Variants in NCAPH2 observed in about 807,000 individuals in gnomAD.
The protein encoded by NCAPH2 is non-SMC condensin II complex subunit H2.
NCAPH2 carries 56 observed loss-of-function variants against 88.6 expected under a neutral mutation model. The ratio of observed to expected loss-of-function variants is 0.63; its 90% CI spans 0.51 to 0.79. The LOEUF is 0.79. NCAPH2 is among the 30% of genes least tolerant of loss of function. The pLI is 0.00. For missense variants in NCAPH2, 794 were observed against 792.0 expected (o/e 1.00, Z -0.03); for synonymous variants, 378 against 313.6 (o/e 1.21, Z -2.17).
At chr22:50,511,987 C>T (rs552472233) in intron 1 of NCAPH2, among the ~76,000 whole-genome samples, 1 of 152,262 alleles carries the variant, frequency 6.6e-6, no homozygotes, top group South Asian at 2.1e-4. Flanking sequence ...GGGGTTTCAC[C>T]ATGTTGGCCA....
chr22:50,517,367 G>A, intron 2 of NCAPH2, 60 bp from the exon 3 acceptor site: 1 of 1,571,904 alleles, frequency 6.4e-7, no homozygotes, highest in Non-Finnish European at 8.8e-7. Context: ...GGATAGCTGG[G>A]AAGGCCTTGG....
At chr22:50,511,425 G>A (rs2068779636) in intron 1 of NCAPH2, among the ~76,000 whole-genome samples, 1 of 143,888 alleles carries the variant, frequency 6.9e-6, no homozygotes, top group South Asian at 2.1e-4. Flanking sequence ...GAGTAGCTGG[G>A]ACTACTGGCA....
rs1225786443 is a variant in NCAPH2, at chr22:50,517,977, T to C, written c.425T>C (p.Val142Ala). The C allele has an allele frequency of 1.2e-6, 2 of 1,612,886 alleles. No individual in the cohort carries two copies. The highest frequency in any genetic ancestry group is 2.2e-5 in the East Asian group (1 of 44,826). The change falls in exon 6 of 20, where the codon GTC (valine) becomes GCC (alanine). Residue 142 changes from valine (V) to alanine (A), a missense_variant. Val to Ala is a moderately conservative substitution (Grantham distance 64). Coordinates refer to ENST00000420993, the MANE Select transcript of NCAPH2 (RefSeq NM_152299.4). Reference sequence around the variant, plus strand: ...CCACCCTTGGCCTCCATGCAGGAGGTCCTCATCATCCCCCTCCTGCCCATG... The same window carrying C: ...CCACCCTTGGCCTCCATGCAGGAGGCCCTCATCATCCCCCTCCTGCCCATG... ...DLKNDQTPSE[V>A]LIIPLLPMAL...
intron 10 of NCAPH2, 87 bp downstream of exon 10, chr22:50,521,123 C>A: frequency 2.1e-6 from 3 of 1,462,640 alleles, no homozygotes; most frequent in Non-Finnish European, 2.8e-6. Flanking sequence ...CTTGCTCCTG[C>A]TGGCCTGTGG....
In NCAPH2 at chr22:50,509,680, A is replaced by C. The variant is rs187634800; in HGVS notation, c.108+1235A>C. ...CAACCAGCAGCAAGTGTGACTCTTA[A>C]AAATTAAAATCTGGCCACAGCACTG... is the stretch of plus-strand genomic sequence containing the variant. On this transcript the variant is annotated intron_variant, in intron 1 of 19. Coordinates refer to ENST00000420993, the MANE Select transcript of NCAPH2 (RefSeq NM_152299.4). 2.5e-3 allele frequency among the ~76,000 whole-genome samples: 376 copies of C among 152,288 alleles called. 3 individuals carry two copies. The highest frequency in any genetic ancestry group is 8.6e-3 in the African/African-American group (359 of 41,550).
At chr22:50,520,028 G>T (rs1287243319) in intron 9 of NCAPH2, among the ~76,000 whole-genome samples, 5 of 151,184 alleles carry the variant, frequency 3.3e-5, no homozygotes, top group Non-Finnish European at 7.4e-5. Context: ...CCGCCACCAT[G>T]CCTGGCTAAT....
intron 9 of NCAPH2, 27 bp from the exon 10 acceptor site, chr22:50,520,938 G>T: frequency 6.5e-7 from 1 of 1,550,260 alleles, no homozygotes. Context: ...AAGAGGAGAA[G>T]TGGGGACCCT....
Position 50,522,394 on chromosome 22 carries a change from C to T in NCAPH2, c.1285C>T (p.Leu429=), listed in dbSNP as rs754650200. 10 of 1,609,858 alleles carry T rather than the reference C, an allele frequency of 6.2e-6. No homozygotes were observed. The African/African-American group carries it at 8.0e-5, about 13-fold the overall frequency. Residue 429 remains leucine, a synonymous_variant, in exon 15 of 20, where the codon CTG becomes TTG. Transcript: ENST00000420993. The part of the protein sequence containing the change: ...PAEEDHLEDS[L]EDLGAADDFL... Reference sequence around the variant, plus strand: ...AGAGGAGGACCACCTGGAGGATTCCCTGGAAGACCTGGGGGCAGCAGGTGG... The same window carrying T: ...AGAGGAGGACCACCTGGAGGATTCCTTGGAAGACCTGGGGGCAGCAGGTGG...
At chr22:50,515,916 G>A in intron 1 of NCAPH2, 2 of 699,662 alleles carry the variant, frequency 2.9e-6, no homozygotes, top group Non-Finnish European at 4.1e-6. Context: ...TTGGGCATGG[G>A]ATGAAGGAAT....
intron 9 of NCAPH2, 50 bp downstream of exon 9, chr22:50,519,370 C>G (rs774665775): frequency 1.3e-5 from 21 of 1,604,278 alleles, no homozygotes; most frequent in Non-Finnish European, 1.6e-5. Context: ...ACTGGCAACC[C>G]TGGCTCTGGG....
chr22:50,520,224 AGTACTAGCAG>A (rs1191622916), intron 9 of NCAPH2, among the ~76,000 whole-genome samples: 2 of 151,356 alleles, frequency 1.3e-5, no homozygotes, highest in Non-Finnish European at 2.9e-5. Flanking sequence ...ACCCCCAGAG[AGTACTAGCAG>A]GGTTTATTTT....
At chr22:50,521,412 C>T (rs1461925128) in intron 10 of NCAPH2, 131 bp from the exon 11 acceptor site, 1 of 937,104 alleles carries the variant, frequency 1.1e-6, no homozygotes, top group Non-Finnish European at 1.7e-6. Flanking sequence ...ACCCCCTACT[C>T]CTCCTTTGGG....
intron 1 of NCAPH2, among the ~76,000 whole-genome samples, chr22:50,512,064 G>T (rs937802126): frequency 3.9e-5 from 6 of 152,226 alleles, no homozygotes; most frequent in Non-Finnish European, 5.9e-5. Flanking sequence ...GGGATTGCAG[G>T]TGTGAGCCAC....
At chr22:50,514,207 C>T (rs529203140) in intron 1 of NCAPH2, among the ~76,000 whole-genome samples, 4 of 152,182 alleles carry the variant, frequency 2.6e-5, no homozygotes, top group South Asian at 4.2e-4. Flanking sequence ...ATGGAGGCCT[C>T]CCTCTGGCTC....
chr22:50,517,276 GA>G, intron 2 of NCAPH2, 150 bp from the exon 3 acceptor site: 2 of 804,604 alleles, frequency 2.5e-6, no homozygotes, highest in Non-Finnish European at 2.1e-6. Flanking sequence ...TTTGATTTGA[GA>G]ATTATTTTTG....
In NCAPH2 at chr22:50,519,186, C is replaced by T. The variant is rs1189515180; in HGVS notation, c.731-4C>T. On this transcript the variant is annotated splice_polypyrimidine_tract_variant and splice_region_variant and intron_variant, in intron 8 of 19. Coordinates refer to ENST00000420993, the MANE Select transcript of NCAPH2 (RefSeq NM_152299.4). ...AGCTGATCACTCTCTTGCTCCCTGC[C>T]TAGGCCCCTCTCCAGAAGGCCCGAT... 20 of 1,606,228 alleles carry T rather than the reference C, an allele frequency of 1.2e-5. No individual in the cohort carries two copies. Among genetic ancestry groups the T allele is most frequent in the Admixed American group, 1.7e-5 (1 of 58,874 alleles).
chr22:50,519,154 T>A (rs2069010828), intron 8 of NCAPH2, 36 bp from the exon 9 acceptor site: 3 of 1,542,934 alleles, frequency 1.9e-6, no homozygotes, highest in Non-Finnish European at 1.7e-6. Flanking sequence ...GTCTCGGCAC[T>A]CCTTGGAGCT....
chr22:50,519,233 C>T lies in NCAPH2; in HGVS notation c.774C>T (p.Asp258=), dbSNP rs371851866. The change falls in exon 9 of 20, where the codon GAC becomes GAT. Residue 258 remains aspartate (D), a synonymous_variant. Transcript: ENST00000420993. ...EGPMPLGGGE[D]EDAEEAVELP... ...CGATGCCCCTGGGTGGGGGCGAGGA[C>T]GAGGATGCAGAGGAGGCAGTAGAGC... is the stretch of plus-strand genomic sequence containing the variant. 1.6e-5 allele frequency: 25 copies of T among 1,610,368 alleles called. No homozygotes were observed. Among genetic ancestry groups the T allele is most frequent in the African/African-American group, 1.5e-4 (11 of 75,008 alleles).
rs769765812 is a variant in NCAPH2 at position 50,517,471 on chromosome 22, C to G, written c.255C>G (p.Ile85Met). Residue 85 changes from isoleucine to methionine, a missense_variant, in exon 3 of 20, where the codon ATC becomes ATG. Coordinates refer to ENST00000420993, the MANE Select transcript of NCAPH2 (RefSeq NM_152299.4). Reference protein sequence around the residue: ...YSLVYQALDFISGKRRAKQLS... With the variant: ...YSLVYQALDFMSGKRRAKQLS... ...TCGTCTACCAGGCCCTTGATTTCAT[C>G]TCTGGAAAGAGGTGAGTTCTGCAGC... The G allele has an allele frequency of 6.2e-7, 1 of 1,613,978 alleles. No homozygotes were observed. The highest frequency in any genetic ancestry group is 8.5e-7 in the Non-Finnish European group (1 of 1,180,036).
Sources: gnomAD v4.1 joint callset for allele counts (sites outside exome capture counted in the v4.1 genomes callset) on GRCh38, gnomAD v4.1.1 for gene constraint, MANE v1.5 for transcripts, NCBI Gene and HGNC (gene_info 2026-07-23, HGNC 2026-07-21) for gene names.